ZMIZ1: variants seen among roughly 807,000 people sequenced by gnomAD.
ZMIZ1 encodes zinc finger MIZ domain-containing protein 1.
ZMIZ1 carries 17 observed loss-of-function variants against 113.9 expected under a neutral mutation model. The observed-to-expected ratio is 0.15, with a 90% CI of 0.10 to 0.22. ZMIZ1 has a LOEUF of 0.22. Ranked by LOEUF, ZMIZ1 falls within the 10% of genes least tolerant of loss-of-function variation. ZMIZ1 has a pLI of 1.00. For synonymous variants in ZMIZ1, 607 were observed against 603.1 expected (o/e 1.01, Z -0.09); for missense variants, 1,059 against 1,477.8 (o/e 0.72, Z 4.65).
intron 4 of ZMIZ1, among the ~76,000 whole-genome samples, chr10:79,172,676 A>G (rs1190003125): frequency 6.6e-6 from 1 of 152,190 alleles, no homozygotes; most frequent in Non-Finnish European, 1.5e-5. Context: ...GGAGCATCCC[A>G]TCCAACCTTC....
intron 3 of ZMIZ1, among the ~76,000 whole-genome samples, chr10:79,142,394 G>A (rs941433420): frequency 1.3e-5 from 2 of 152,102 alleles, no homozygotes; most frequent in Non-Finnish European, 1.5e-5. Context: ...TGTGAGTCAC[G>A]GGGCACCCAG....
At chr10:79,225,507 A>T (rs1013216354) in intron 7 of ZMIZ1, among the ~76,000 whole-genome samples, 3 of 152,026 alleles carry the variant, frequency 2.0e-5, no homozygotes, top group Non-Finnish European at 4.4e-5. Context: ...AGGTGGGAGG[A>T]TCACTTGAGC....
At chr10:79,147,305 G>A (rs1845531286) in intron 3 of ZMIZ1, among the ~76,000 whole-genome samples, 5 of 152,198 alleles carry the variant, frequency 3.3e-5, no homozygotes, top group African/African-American at 4.8e-5. Flanking sequence ...TGATAACAGA[G>A]AACTCTCTCA....
At chr10:79,251,460 C>T (rs1192597850) in intron 7 of ZMIZ1, among the ~76,000 whole-genome samples, 1 of 152,164 alleles carries the variant, frequency 6.6e-6, no homozygotes, top group East Asian at 1.9e-4. Flanking sequence ...TGTCCTCCTG[C>T]TCCCCAGCTT....
chr10:79,132,197 T>G (rs1424084811), intron 2 of ZMIZ1, among the ~76,000 whole-genome samples: 1 of 152,182 alleles, frequency 6.6e-6, no homozygotes, highest in African/African-American at 2.4e-5. Context: ...CAGGTAATAT[T>G]GTTCCCCTTT....
intron 2 of ZMIZ1, among the ~76,000 whole-genome samples, chr10:79,121,672 A>G (rs1844297211): frequency 1.3e-5 from 2 of 152,158 alleles, no homozygotes; most frequent in South Asian, 4.1e-4. Flanking sequence ...GTGACCTGCT[A>G]AAGGATCAGG....
chr10:79,164,958 A>G (rs141522731), intron 4 of ZMIZ1, among the ~76,000 whole-genome samples: 2 of 152,258 alleles, frequency 1.3e-5, no homozygotes, highest in African/African-American at 4.8e-5. Context: ...CTGAGGCACC[A>G]GTGCCTGCTC....
chr10:79,083,332 C>G (rs952227380), intron 1 of ZMIZ1, among the ~76,000 whole-genome samples: 4 of 152,128 alleles, frequency 2.6e-5, no homozygotes, highest in Non-Finnish European at 5.9e-5. Flanking sequence ...GCAGTGGGAA[C>G]AGCATGTGCA....
intron 5 of ZMIZ1, among the ~76,000 whole-genome samples, chr10:79,207,795 AG>A (rs1306823797): frequency 6.6e-6 from 1 of 152,090 alleles, no homozygotes; most frequent in African/African-American, 2.4e-5. Flanking sequence ...TGGCTAGGGC[AG>A]AGCAGGCTCC....
At chr10:79,116,732 A>G (rs1182844750) in intron 1 of ZMIZ1, among the ~76,000 whole-genome samples, 2 of 152,186 alleles carry the variant, frequency 1.3e-5, no homozygotes, top group Non-Finnish European at 2.9e-5. Context: ...TTGTAGCTTG[A>G]CAAATTATCC....
chr10:79,260,430 A>G (rs1037546882), intron 7 of ZMIZ1, among the ~76,000 whole-genome samples: 3 of 152,208 alleles, frequency 2.0e-5, no homozygotes, highest in African/African-American at 7.2e-5. Context: ...CTCTGGCTGC[A>G]TGAGGATGAG....
At chr10:79,164,105 C>A (rs1749824) in intron 4 of ZMIZ1, among the ~76,000 whole-genome samples, 59,126 of 152,006 alleles carry the variant, frequency 0.39, 11,802 homozygotes, top group Non-Finnish European at 0.43. Context: ...GGGTGGTAAT[C>A]AATACCTTGG....
At chr10:79,236,797 G>C (rs1166060975) in intron 7 of ZMIZ1, among the ~76,000 whole-genome samples, 1 of 152,178 alleles carries the variant, frequency 6.6e-6, no homozygotes, top group Non-Finnish European at 1.5e-5. Context: ...GCTGGTCCTT[G>C]TTTCATTCAT....
intron 4 of ZMIZ1, among the ~76,000 whole-genome samples, chr10:79,178,354 A>C (rs1846960332): frequency 1.3e-5 from 2 of 152,210 alleles, no homozygotes; most frequent in Admixed American, 6.5e-5. Context: ...GGTCGTGAAC[A>C]GAGTGCCTAC....
chr10:79,202,356 C>A (rs58273541), intron 5 of ZMIZ1, among the ~76,000 whole-genome samples: 1 of 151,602 alleles, frequency 6.6e-6, no homozygotes, highest in Non-Finnish European at 1.5e-5. Context: ...GTAATCTCAG[C>A]GCTTTGGGAG....
At position 79,277,282 on chromosome 10, in the gene ZMIZ1, C is replaced by T. The variant is rs1852357937; in HGVS notation, c.382C>T (p.Pro128Ser). 6.2e-7 allele frequency: 1 copy of T among 1,601,890 alleles called. No homozygotes were observed. Among genetic ancestry groups the T allele is most frequent in the Non-Finnish European group, 8.5e-7 (1 of 1,174,906 alleles). ...CCCTGGGAAACTCCCCATGCAGCCC[C>T]CTCTCAGCTCCATGAGCTCCATGAA... ...DPPGKLPMQPPLSSMSSMKPT... is the reference protein window; with the variant it reads ...DPPGKLPMQPSLSSMSSMKPT... The change falls in exon 8 of 25, where the codon CCT becomes TCT. Residue 128 changes from proline to serine, a missense_variant. This residue lies in a region of ZMIZ1 where 272 missense variants were observed against 350.4 expected (regional missense o/e 0.78). Transcript: ENST00000334512.
At chr10:79,143,851 C>T (rs886875136) in intron 3 of ZMIZ1, among the ~76,000 whole-genome samples, 5 of 152,146 alleles carry the variant, frequency 3.3e-5, no homozygotes, top group African/African-American at 1.2e-4. Flanking sequence ...CACAGTCCAG[C>T]CCGTCTGCAG....
intron 7 of ZMIZ1, among the ~76,000 whole-genome samples, chr10:79,222,609 G>A (rs78013155): frequency 6.6e-6 from 1 of 152,186 alleles, no homozygotes; most frequent in Non-Finnish European, 1.5e-5. Context: ...CAAGAGGGGG[G>A]CTGAGACATG....
intron 3 of ZMIZ1, 94 bp from the exon 4 acceptor site, chr10:79,161,959 A>G: frequency 2.5e-6 from 1 of 398,742 alleles, no homozygotes. Context: ...CCTCTGTCAG[A>G]TGGGGATGAT....
Sources: allele counts gnomAD v4.1 joint callset (sites outside exome capture counted in the v4.1 genomes callset), GRCh38; gene constraint gnomAD v4.1.1; regional missense constraint gnomAD v4.1.1; transcripts MANE v1.5; gene names NCBI Gene and HGNC (gene_info 2026-07-23, HGNC 2026-07-21).